The following LTBP4 variants were observed in gnomAD, a reference collection of about 807,000 sequenced individuals.
The protein encoded by LTBP4 is latent transforming growth factor beta binding protein 4.
LTBP4 carries 93 observed loss-of-function variants against 180.2 expected under a neutral mutation model. The ratio of observed to expected loss-of-function variants is 0.52; its 90% CI spans 0.44 to 0.61. LTBP4 has a LOEUF of 0.61. Ranked by LOEUF, LTBP4 falls within the 20% of genes least tolerant of loss-of-function variation. LTBP4 has a pLI of 0.00. For missense variants in LTBP4, 2,116 were observed against 2,256.5 expected (o/e 0.94, Z 1.26); for synonymous variants, 947 against 934.5 (o/e 1.01, Z -0.24).
At chr19:40,619,277 T>C in intron 21 of LTBP4, 70 bp from the exon 22 acceptor site, 1 of 1,514,698 alleles carries the variant, frequency 6.6e-7, no homozygotes, top group Non-Finnish European at 9.1e-7. Flanking sequence ...AAGCTGAGAC[T>C]TTCGGACCTT....
rs577228703 is a variant in LTBP4 at position 40,626,896 on chromosome 19, C to T, written c.3986-79C>T. The T allele has an allele frequency of 7.6e-6, 11 of 1,448,606 alleles. No homozygotes were observed. In the East Asian group the frequency reaches 2.2e-4, roughly 29 times the overall value. The allele number at this position is 1,448,606 out of a possible 1,614,324, so 89.7% of individuals were successfully genotyped here. ...ACCCTCCCCATCCAGTCCTCTGCCTCCTCTCCCAAGGGGGGTATGTGAGTG... is the reference window on the plus strand; with the variant it reads ...ACCCTCCCCATCCAGTCCTCTGCCTTCTCTCCCAAGGGGGGTATGTGAGTG... On this transcript the variant is annotated intron_variant, in intron 27 of 29. Coordinates refer to ENST00000396819, the MANE Select transcript of LTBP4 (RefSeq NM_001042545.2).
rs2081591004 is a variant in LTBP4 at position 40,622,270 on chromosome 19, G to A, written c.3218-131G>A. The A allele has an allele frequency of 1.1e-6, 1 of 948,052 alleles. No individual in the cohort carries two copies. The highest frequency in any genetic ancestry group is 2.9e-5 in the Admixed American group (1 of 33,992). The allele number at this position is 948,052 out of a possible 1,614,324, so 58.7% of individuals were successfully genotyped here. The stretch of plus-strand genomic sequence containing the variant: ...GTGACAGAGGAGCGTGAGAGGTGTG[G>A]AGTCTGGTTCTGCCACTGATGGCTG... On this transcript the variant is annotated intron_variant, in intron 22 of 29. Coordinates refer to ENST00000396819, the MANE Select transcript of LTBP4 (RefSeq NM_001042545.2). This position sits in a 1 kb window ranked among gnomAD's most constrained non-coding sequence, Gnocchi z 5.1.
chr19:40,615,018 C>G (rs962656622), intron 19 of LTBP4, among the ~76,000 whole-genome samples: 1 of 152,098 alleles, frequency 6.6e-6, no homozygotes, highest in Non-Finnish European at 1.5e-5. Context: ...TCCAGTCTCT[C>G]GAACACTTAG....
rs190107102 is a variant in LTBP4, at chr19:40,614,452, C to T, written c.2812+6C>T. Reference sequence around the variant, plus strand: ...CCCCGAGGGCACCTGTGACGGTGAGCCTGCCCCCACCCGCCTTCGCTAGCG... The same window carrying T: ...CCCCGAGGGCACCTGTGACGGTGAGTCTGCCCCCACCCGCCTTCGCTAGCG... On this transcript the variant is annotated splice_donor_region_variant and intron_variant, in intron 19 of 29. Coordinates refer to ENST00000396819, the MANE Select transcript of LTBP4 (RefSeq NM_001042545.2). The T allele has an allele frequency of 1.6e-3, 2,489 of 1,597,028 alleles. 37 individuals carry two copies. In the African/African-American group the frequency reaches 0.029, roughly 18 times the overall value.
At chr19:40,606,586 G>T in intron 6 of LTBP4, 60 bp downstream of exon 6, 2 of 1,526,446 alleles carry the variant, frequency 1.3e-6, no homozygotes, top group Non-Finnish European at 1.8e-6. Flanking sequence ...AGAAGTCCCA[G>T]AGCATCCTGG....
chr19:40,595,905 A>ATTTTT (rs60121587), intron 1 of LTBP4, among the ~76,000 whole-genome samples: 34 of 60,066 alleles, frequency 5.7e-4, no homozygotes, highest in Non-Finnish European at 6.2e-4. Context: ...TAATTTTTGG[A>ATTTTT]TTTTTTTTTT....
intron 1 of LTBP4, among the ~76,000 whole-genome samples, chr19:40,594,180 T>C (rs2146006514): frequency 6.6e-6 from 1 of 150,958 alleles, no homozygotes; most frequent in African/African-American, 2.4e-5. Context: ...ACTGAAGAGC[T>C]GGGTTTTTTA....
upstream of LTBP4, chr19:40,599,917 C>T (rs377432409): frequency 6.4e-6 from 3 of 471,368 alleles, no homozygotes; most frequent in African/African-American, 6.0e-5. Flanking sequence ...TTGTTTCTCT[C>T]CCACTAGAGG....
intron 9 of LTBP4, chr19:40,608,903 A>AAG (rs71334922): frequency 1.4e-5 from 1 of 73,302 alleles, no homozygotes; most frequent in African/African-American, 1.1e-4. Context: ...ACTCCATCTC[A>AAG]AAAAAAAAAA....
chr19:40,626,498 C>T (rs962373290), intron 27 of LTBP4, among the ~76,000 whole-genome samples: 2 of 152,098 alleles, frequency 1.3e-5, no homozygotes, highest in African/African-American at 2.4e-5. Flanking sequence ...CAACACACAG[C>T]CCCAGAGATT....
chr19:40,607,581 T>A (rs1411764482), intron 7 of LTBP4, 52 bp downstream of exon 7: 2 of 1,513,310 alleles, frequency 1.3e-6, no homozygotes, highest in East Asian at 4.8e-5. Context: ...GTGGCGCTCA[T>A]TCTACGCCCC....
rs536916988 is a variant in LTBP4, at chr19:40,619,793, G to T, written c.3217+300G>T. Among the ~76,000 whole-genome samples the T allele has an allele frequency of 4.6e-5, 7 of 152,298 alleles. No homozygotes were observed. The East Asian group carries it at 1.2e-3, about 25-fold the overall frequency. On this transcript the variant is annotated intron_variant, in intron 22 of 29. Coordinates refer to ENST00000396819, the MANE Select transcript of LTBP4 (RefSeq NM_001042545.2). ...AGGGATCACTGTCTGTCCTCAAGGGGCTCACAAGCCAATGGGGCAGACAGA... is the reference window on the plus strand; with the variant it reads ...AGGGATCACTGTCTGTCCTCAAGGGTCTCACAAGCCAATGGGGCAGACAGA...
At position 40,613,153 on chromosome 19, in the gene LTBP4, G is replaced by A. The variant is rs746669543; in HGVS notation, c.2388G>A (p.Ala796=). ...NTEGSFRCSC[A]PGYRAPSGRP... is the part of the protein sequence containing the mutation. ...AAGGCTCCTTCCGCTGCAGCTGCGC[G>A]CCAGGCTACCGGGCGCCGTCGGGTC... Residue 796 remains alanine, a synonymous_variant, in exon 16 of 30, where the codon GCG becomes GCA. Transcript: ENST00000396819. This position sits in a 1 kb window ranked among gnomAD's most constrained non-coding sequence, Gnocchi z 5.0. 9.4e-6 allele frequency: 15 copies of A among 1,590,892 alleles called. No homozygotes were observed. Among genetic ancestry groups the A allele is most frequent in the South Asian group, 9.1e-5 (8 of 87,836 alleles).
At chr19:40,615,518 G>C (rs917572719) in intron 19 of LTBP4, 2 of 152,222 alleles carry the variant, frequency 1.3e-5, no homozygotes, top group South Asian at 2.1e-4. Flanking sequence ...CCAGCACTTT[G>C]GGAGGCCAAG....
intron 19 of LTBP4, among the ~76,000 whole-genome samples, chr19:40,616,188 G>A (rs1214323117): frequency 2.0e-5 from 3 of 151,970 alleles, no homozygotes; most frequent in Non-Finnish European, 4.4e-5. Flanking sequence ...CAGCTACTCA[G>A]GAGGCTAAGG....
At chr19:40,627,385 A>C (rs779332704) in intron 28 of LTBP4, 30 bp downstream of exon 28, 39 of 1,471,492 alleles carry the variant, frequency 2.7e-5, no homozygotes, top group Non-Finnish European at 1.4e-5. Context: ...GATGAGACTG[A>C]GATGAGGGGT....
rs10424186 is a variant in LTBP4 at position 40,629,636 on chromosome 19, C to G, written c.*86C>G. 32 of 1,253,446 alleles carry G rather than the reference C, an allele frequency of 2.6e-5. No homozygotes were observed. In the East Asian group the frequency reaches 1.1e-3, roughly 42 times the overall value. The allele number at this position is 1,253,446 out of a possible 1,614,324, so 77.6% of individuals were successfully genotyped here. A position where few individuals can be genotyped will look rare whatever the true frequency, so the allele number is the denominator to read the frequency against. On this transcript the variant is annotated 3_prime_UTR_variant, in exon 30 of 30. Coordinates refer to ENST00000396819, the MANE Select transcript of LTBP4 (RefSeq NM_001042545.2). The surrounding 1 kb of genome is among the most constrained non-coding windows in gnomAD (Gnocchi z 4.5). ...TGCAGCCCGCTTATGCGTATGTGCA[C>G]GGGGCCGCCCGCCTGGACCTGGAGA...
In LTBP4 at chr19:40,611,261, T is replaced by C; in HGVS notation, c.1920T>C (p.Cys640=). The change falls in exon 13 of 30, where the codon TGT becomes TGC. Residue 640 remains cysteine (C), a synonymous_variant. Coordinates refer to ENST00000396819, the MANE Select transcript of LTBP4 (RefSeq NM_001042545.2). This position sits in a 1 kb window ranked among gnomAD's most constrained non-coding sequence, Gnocchi z 4.4. ...CGGCTGGCTTCCGGGGCTCGGCGTG[T>C]GAAGAGGATGTGGATGAGTGTGCCC... ...VCPAGFRGSA[C]EEDVDECAQE... is the part of the protein sequence containing the mutation. 1 of 1,612,628 alleles carries C rather than the reference T, an allele frequency of 6.2e-7. No individual in the cohort carries two copies. Among genetic ancestry groups the C allele is most frequent in the Non-Finnish European group, 8.5e-7 (1 of 1,179,476 alleles).
rs1478879835 is a variant in LTBP4 at position 40,605,535 on chromosome 19, G to A, written c.573G>A (p.Ala191=). ...DAEAVARAEA[A]ARAEAAAPYT... is the part of the protein sequence containing the mutation. ...AGGCGGTGGCGCGGGCGGAAGCGGC[G>A]GCGCGGGCGGAGGCGGCAGCGCCCT... The change falls in exon 3 of 30, where the codon GCG becomes GCA. Residue 191 remains alanine (A), a synonymous_variant. Coordinates refer to ENST00000396819, the MANE Select transcript of LTBP4 (RefSeq NM_001042545.2). This position sits in a 1 kb window ranked among gnomAD's most constrained non-coding sequence, Gnocchi z 5.5. 4 of 1,607,294 alleles carry A rather than the reference G, an allele frequency of 2.5e-6. No homozygotes were observed. Among genetic ancestry groups the A allele is most frequent in the South Asian group, 1.1e-5 (1 of 90,872 alleles).
Sources: allele counts gnomAD v4.1 joint callset (sites outside exome capture counted in the v4.1 genomes callset), GRCh38; gene constraint gnomAD v4.1.1; non-coding constraint Gnocchi (gnomAD v3.1); transcripts MANE v1.5; gene names NCBI Gene and HGNC (gene_info 2026-07-23, HGNC 2026-07-21).